Variants in TBCK observed in about 807,000 individuals in gnomAD.
TBCK encodes TBC1 domain containing kinase, also known as TBC domain-containing protein kinase-like protein.
Under a neutral mutation model 113.4 loss-of-function variants are expected in TBCK, and 99 were observed. The observed-to-expected ratio is 0.87, with a 90% confidence interval of 0.74 to 1.03. The LOEUF (loss-of-function observed/expected upper bound fraction) is 1.03, where lower values mean the gene tolerates loss of function less well. Among genes scored for constraint, TBCK ranks in the 50% least tolerant of loss-of-function variants. The probability of loss-of-function intolerance (pLI) is 0.00; values close to 1 mark genes in which losing one functional copy is unlikely to be tolerated. For synonymous variants in TBCK, 369 were observed against 370.8 expected (o/e 1.00, Z 0.05); for missense variants, 1,045 against 1,061.3 (o/e 0.98, Z 0.21).
chr4:106,065,037 T>C (rs1037757617), intron 25 of TBCK, among the ~76,000 whole-genome samples: 5 of 152,020 alleles, frequency 3.3e-5, no homozygotes, highest in Non-Finnish European at 7.4e-5. Context: ...ATGTGGGTAA[T>C]GGTTGCCATG....
rs36032025 is a variant in TBCK, at chr4:106,292,569, C to CAA, written c.266+2523_266+2524dup. On this transcript the variant is annotated intron_variant, in intron 3 of 25. Transcript: ENST00000394708. ...TGGGCGACAGAGCAAGACTCCATCT[C>CAA]AAAAAAAAAAAAAAAAGTACATGCC... Among the ~76,000 whole-genome samples the CAA allele has an allele frequency of 1.5e-3, 177 of 115,854 alleles. 1 individual carries two copies. The highest frequency in any genetic ancestry group is 2.6e-3 in the Non-Finnish European group (143 of 54,964). The allele number at this position is 115,854 out of a possible 152,430, so 76.0% of individuals were successfully genotyped here. A position where few individuals can be genotyped will look rare whatever the true frequency, so the allele number is the denominator to read the frequency against.
At chr4:106,290,240 T>G (rs957916745) in intron 3 of TBCK, among the ~76,000 whole-genome samples, 2 of 152,148 alleles carry the variant, frequency 1.3e-5, no homozygotes, top group Non-Finnish European at 2.9e-5. Context: ...TGCAGTGGCG[T>G]GATCTCGGCT....
intron 20 of TBCK, among the ~76,000 whole-genome samples, chr4:106,199,197 C>T (rs1754599237): frequency 6.6e-6 from 1 of 152,154 alleles, no homozygotes; most frequent in South Asian, 2.1e-4. Flanking sequence ...TCAATAATTT[C>T]TATGTCATTA....
chr4:106,096,774 A>AAGAT lies in TBCK; in HGVS notation c.2412-1137_2412-1134dup, dbSNP rs1253573554. ...TGAAAATCAGAAATAAAAGACATAAAAGATAATGCTCAGACTGTGTTAAGC... is the reference window on the plus strand; with the variant it reads ...TGAAAATCAGAAATAAAAGACATAAAAGATAGATAATGCTCAGACTGTGTTAAGC... On this transcript the variant is annotated intron_variant, in intron 24 of 25. Coordinates refer to ENST00000394708, the MANE Select transcript of TBCK (RefSeq NM_001163435.3). Among the ~76,000 whole-genome samples, 10 of 152,278 alleles carry AAGAT rather than the reference A, an allele frequency of 6.6e-5. No individual in the cohort carries two copies. In the South Asian group the frequency reaches 2.1e-3, roughly 32 times the overall value.
intron 23 of TBCK, among the ~76,000 whole-genome samples, chr4:106,167,835 T>C (rs1750568871): frequency 6.6e-6 from 1 of 151,738 alleles, no homozygotes; most frequent in Non-Finnish European, 1.5e-5. Context: ...TAGGCCTGCA[T>C]CTATTAAAGA....
At position 106,042,779 on chromosome 4, in the gene TBCK, T is replaced by C. The variant is rs983767442; in HGVS notation, c.*3791A>G. ...AGTTTTATATAATTCATTGTTTTCC[T>C]TTTAAAGTGCACTAAAGCCTGTTCT... On this transcript the variant is annotated 3_prime_UTR_variant, in exon 26 of 26. Transcript: ENST00000394708. The C allele has an allele frequency of 3.3e-5, 5 of 152,212 alleles. No individual in the cohort carries two copies. Among genetic ancestry groups the C allele is most frequent in the African/African-American group, 1.2e-4 (5 of 41,450 alleles). 9.4% of individuals were successfully genotyped at this position (152,212 alleles called of 1,614,324 possible).
chr4:106,070,491 C>T (rs138352587), intron 25 of TBCK, among the ~76,000 whole-genome samples: 4,864 of 152,028 alleles, frequency 0.032, 98 homozygotes, highest in Non-Finnish European at 0.047. Flanking sequence ...GGGATGAAGC[C>T]GACTTGATCT....
At chr4:106,118,193 A>T (rs1743789180) in intron 23 of TBCK, among the ~76,000 whole-genome samples, 1 of 152,122 alleles carries the variant, frequency 6.6e-6, no homozygotes, top group Admixed American at 6.5e-5. Context: ...AGAATATCCA[A>T]TTTAGAATTT....
intron 11 of TBCK, 96 bp from the exon 12 acceptor site, chr4:106,242,665 C>A (rs1407920596): frequency 7.1e-6 from 5 of 701,730 alleles, no homozygotes; most frequent in Admixed American, 6.5e-5. Flanking sequence ...ATCCCTTCAT[C>A]AAAAAAGAAT....
intron 5 of TBCK, among the ~76,000 whole-genome samples, chr4:106,255,700 C>T (rs894243300): frequency 9.9e-5 from 15 of 152,110 alleles, no homozygotes; most frequent in Admixed American, 2.0e-4. Context: ...CCTTGCCACC[C>T]GCAATGTGGC....
chr4:106,248,871 T>C (rs1426703312), intron 8 of TBCK, 50 bp downstream of exon 8: 2 of 1,408,392 alleles, frequency 1.4e-6, no homozygotes, highest in South Asian at 2.6e-5. Flanking sequence ...CAATATCAGG[T>C]ATTTTGTTAT....
chr4:106,096,451 A>ATATT (rs1313117407), intron 24 of TBCK, among the ~76,000 whole-genome samples: 3 of 152,230 alleles, frequency 2.0e-5, no homozygotes, highest in African/African-American at 7.2e-5. Context: ...GAGTGTTTCC[A>ATATT]TATTTATCAA....
At position 106,122,206 on chromosome 4, in the gene TBCK, C is replaced by G. The variant is rs540997141; in HGVS notation, c.2236-5828G>C. ...GATAAAGGGGATATCACCACCGATC[C>G]CACAGAAATACAAACTACCATCAGA... is the stretch of plus-strand genomic sequence containing the variant. On this transcript the variant is annotated intron_variant, in intron 23 of 25. Transcript: ENST00000394708. Among the ~76,000 whole-genome samples, 12 of 151,748 alleles carry G rather than the reference C, an allele frequency of 7.9e-5. No individual in the cohort carries two copies. The East Asian group carries it at 2.3e-3, about 29-fold the overall frequency.
intron 6 of TBCK, among the ~76,000 whole-genome samples, chr4:106,250,928 T>C (rs980783027): frequency 2.0e-5 from 3 of 151,986 alleles, no homozygotes; most frequent in African/African-American, 4.8e-5. Context: ...TAACACTCCT[T>C]CCTCTTACCA....
At chr4:106,134,786 G>A (rs987825416) in intron 23 of TBCK, among the ~76,000 whole-genome samples, 1 of 152,166 alleles carries the variant, frequency 6.6e-6, no homozygotes, top group Non-Finnish European at 1.5e-5. Context: ...AATTTACCTT[G>A]TACCTCTCTG....
intron 25 of TBCK, among the ~76,000 whole-genome samples, chr4:106,057,185 AGGGCT>A (rs1379098318): frequency 6.6e-6 from 1 of 151,606 alleles, no homozygotes; most frequent in Middle Eastern, 3.2e-3. Flanking sequence ...GTTCACTCTG[AGGGCT>A]ACCAACTATT....
intron 25 of TBCK, among the ~76,000 whole-genome samples, chr4:106,064,639 A>G (rs938059418): frequency 6.6e-6 from 1 of 152,006 alleles, no homozygotes; most frequent in Admixed American, 6.6e-5. Flanking sequence ...TGGGGATAAA[A>G]TATTAGTGGT....
At chr4:106,293,599 C>T (rs1262147491) in intron 3 of TBCK, among the ~76,000 whole-genome samples, 1 of 152,186 alleles carries the variant, frequency 6.6e-6, no homozygotes, top group Non-Finnish European at 1.5e-5. Flanking sequence ...AGTTTGGGGA[C>T]TGCTGGTATA....
chr4:106,116,486 A>G, intron 23 of TBCK, 108 bp from the exon 24 acceptor site: 3 of 915,610 alleles, frequency 3.3e-6, no homozygotes, highest in Non-Finnish European at 4.8e-6. Context: ...ATAAGAGAAG[A>G]GGAAACTATC....
Sources: gnomAD v4.1 joint callset for allele counts (sites outside exome capture counted in the v4.1 genomes callset) on GRCh38, gnomAD v4.1.1 for gene constraint, MANE v1.5 for transcripts, NCBI Gene and HGNC (gene_info 2026-07-23, HGNC 2026-07-21) for gene names.